The following DLG2 variants were observed in gnomAD, a reference collection of about 807,000 sequenced individuals.
DLG2 encodes the protein disks large homolog 2.
A neutral mutation model predicts 132.5 loss-of-function variants in DLG2; 45 were observed. The observed-to-expected ratio is 0.34, with a 90% CI of 0.27 to 0.44. DLG2 has a LOEUF of 0.44. DLG2 is among the 20% of genes least tolerant of loss of function. The pLI, the probability that DLG2 is intolerant of heterozygous loss-of-function variation, is 1.00. For synonymous variants in DLG2, 424 were observed against 419.6 expected, an observed-to-expected ratio of 1.01 and a Z score of -0.13; for missense variants, 1,045 against 1,196.9, an observed-to-expected ratio of 0.87 and a Z score of 1.87.
intron 10 of DLG2, among the ~76,000 whole-genome samples, chr11:84,092,612 T>C (rs1296832843): frequency 2.0e-5 from 3 of 152,184 alleles, no homozygotes; most frequent in Non-Finnish European, 4.4e-5. Flanking sequence ...CTGGTCTACT[T>C]AGGGAGGAAG....
intron 3 of DLG2, among the ~76,000 whole-genome samples, chr11:85,465,257 C>T (rs755865650): frequency 6.6e-6 from 1 of 151,476 alleles, no homozygotes; most frequent in Non-Finnish European, 1.5e-5. Context: ...AACTTCCCAC[C>T]TCAGCCTCCC....
At chr11:84,555,162 T>C (rs1442518073) in intron 6 of DLG2, among the ~76,000 whole-genome samples, 1 of 152,156 alleles carries the variant, frequency 6.6e-6, no homozygotes, top group Non-Finnish European at 1.5e-5. Context: ...ACCTGATATA[T>C]ATTTTCAAAA....
intron 6 of DLG2, among the ~76,000 whole-genome samples, chr11:84,894,318 T>G (rs1039374816): frequency 4.6e-5 from 7 of 152,154 alleles, no homozygotes; most frequent in African/African-American, 1.7e-4. Context: ...CTTAAATAAT[T>G]TTCTTTAAAT....
chr11:84,102,090 C>T (rs1343067607), intron 9 of DLG2, among the ~76,000 whole-genome samples: 2 of 152,094 alleles, frequency 1.3e-5, no homozygotes, highest in African/African-American at 4.8e-5. Context: ...TTCAATTCTT[C>T]GCATTTTTGA....
At chr11:83,747,274 A>G (rs1048626442) in intron 18 of DLG2, among the ~76,000 whole-genome samples, 13 of 124,004 alleles carry the variant, frequency 1.0e-4, no homozygotes, top group African/African-American at 3.8e-4. Context: ...TTGCTTTAAA[A>G]TCTTCCTTCC....
At chr11:85,113,854 G>A (rs922067582) in intron 5 of DLG2, among the ~76,000 whole-genome samples, 1 of 151,932 alleles carries the variant, frequency 6.6e-6, no homozygotes, top group East Asian at 1.9e-4. Context: ...CTACCAAAGT[G>A]GTATACCCTG....
chr11:84,340,509 C>T (rs997301368), intron 7 of DLG2, among the ~76,000 whole-genome samples: 1 of 152,076 alleles, frequency 6.6e-6, no homozygotes, highest in Admixed American at 6.6e-5. Flanking sequence ...TGAATCAGGC[C>T]ATATACCAGA....
chr11:84,484,588 A>C (rs1020877576), intron 7 of DLG2, among the ~76,000 whole-genome samples: 2 of 152,204 alleles, frequency 1.3e-5, no homozygotes, highest in African/African-American at 4.8e-5. Flanking sequence ...CATTAAAATT[A>C]ATAAACTCTA....
At chr11:84,984,491 T>C (rs917223370) in intron 6 of DLG2, among the ~76,000 whole-genome samples, 4 of 151,878 alleles carry the variant, frequency 2.6e-5, no homozygotes. Flanking sequence ...GCTCTAAATC[T>C]TGAAACAAAT....
At chr11:83,774,803 T>G (rs1414723711) in intron 18 of DLG2, among the ~76,000 whole-genome samples, 1 of 152,160 alleles carries the variant, frequency 6.6e-6, no homozygotes, top group East Asian at 1.9e-4. Context: ...ACATCCATTT[T>G]CACTAATCTT....
intron 4 of DLG2, among the ~76,000 whole-genome samples, chr11:85,161,511 A>G (rs1313050579): frequency 6.6e-6 from 1 of 152,192 alleles, no homozygotes; most frequent in Non-Finnish European, 1.5e-5. Flanking sequence ...GCAGAGGTTT[A>G]TCCTCACTGG....
At chr11:84,873,885 G>A (rs2085892318) in intron 6 of DLG2, among the ~76,000 whole-genome samples, 1 of 152,148 alleles carries the variant, frequency 6.6e-6, no homozygotes, top group African/African-American at 2.4e-5. Context: ...GATGACTAAT[G>A]GTCTAATGAC....
intron 19 of DLG2, among the ~76,000 whole-genome samples, chr11:83,585,240 T>C (rs1294328352): frequency 1.3e-5 from 2 of 152,182 alleles, no homozygotes; most frequent in African/African-American, 2.4e-5. Context: ...GAAATAAGTT[T>C]TTAAAATAGT....
At chr11:85,594,949 C>G (rs1319523683) in intron 3 of DLG2, among the ~76,000 whole-genome samples, 1 of 151,402 alleles carries the variant, frequency 6.6e-6, no homozygotes, top group African/African-American at 2.4e-5. Flanking sequence ...GCCTGTAATC[C>G]CAGCTACTCG....
intron 3 of DLG2, among the ~76,000 whole-genome samples, chr11:85,490,193 A>G (rs1040896397): frequency 6.6e-6 from 1 of 152,194 alleles, no homozygotes; most frequent in Non-Finnish European, 1.5e-5. Flanking sequence ...CTCTCTAAAG[A>G]AAAACAAAAA....
Position 85,625,442 on chromosome 11 carries a change from G to C in DLG2, c.-93+1145C>G, listed in dbSNP as rs11822876. 9.1e-3 allele frequency among the ~76,000 whole-genome samples: 1,383 copies of C among 152,258 alleles called. 19 individuals carry two copies. Among genetic ancestry groups the C allele is most frequent in the African/African-American group, 0.03 (1,238 of 41,544 alleles). ...GTGGTATTATTAGAAACAGCAGGGG[G>C]AGGAAACAATCCCAATCTTAAATCC... On this transcript the variant is annotated intron_variant, in intron 2 of 27. Coordinates refer to ENST00000376104, the MANE Select transcript of DLG2 (RefSeq NM_001142699.3).
intron 6 of DLG2, among the ~76,000 whole-genome samples, chr11:84,866,237 T>C (rs964643433): frequency 1.3e-5 from 2 of 152,174 alleles, no homozygotes; most frequent in Non-Finnish European, 2.9e-5. Flanking sequence ...CCAAGGTGAT[T>C]TGCTGCTGGA....
At chr11:85,595,972 G>C (rs1228805706) in intron 3 of DLG2, among the ~76,000 whole-genome samples, 2 of 152,158 alleles carry the variant, frequency 1.3e-5, no homozygotes, top group African/African-American at 4.8e-5. Flanking sequence ...ATGCTTTTCA[G>C]CTGGGGGCAG....
chr11:84,515,509 TAAG>T (rs1226259744), intron 7 of DLG2, among the ~76,000 whole-genome samples: 1 of 152,024 alleles, frequency 6.6e-6, no homozygotes, highest in African/African-American at 2.4e-5. Context: ...TATATAATGA[TAAG>T]GGGTTCAATT....
Sources: gnomAD v4.1 joint callset for allele counts (sites outside exome capture counted in the v4.1 genomes callset) on GRCh38, gnomAD v4.1.1 for gene constraint, MANE v1.5 for transcripts, NCBI Gene and HGNC (gene_info 2026-07-23, HGNC 2026-07-21) for gene names.